The following NFIB variants were observed in gnomAD, a reference collection of about 807,000 sequenced individuals.
The protein encoded by NFIB is nuclear factor I B.
A neutral mutation model predicts 61.5 loss-of-function variants in NFIB; 11 were observed. The observed-to-expected ratio is 0.18, with a 90% CI of 0.11 to 0.30. The LOEUF is 0.30. NFIB is among the 10% of genes least tolerant of loss of function. The pLI, the probability that NFIB is intolerant of heterozygous loss-of-function variation, is 1.00. For synonymous variants in NFIB, 260 were observed against 216.5 expected (o/e 1.20, Z -1.76); for missense variants, 471 against 608.9 (o/e 0.77, Z 2.38).
At position 14,116,355 on chromosome 9, in the gene NFIB, CA is replaced by C; in HGVS notation, c.1246-10del. ...TGACCACTGCCGTTAGGCTACAAAA[CA>C]AAAACAGAATGCCGGGTGAAGCAAT... is the stretch of plus-strand genomic sequence containing the variant. On this transcript the variant is annotated splice_polypyrimidine_tract_variant and intron_variant, in intron 8 of 10. Transcript: ENST00000380953. 1 of 1,493,410 alleles carries C rather than the reference CA, an allele frequency of 6.7e-7. No homozygotes were observed. Among genetic ancestry groups the C allele is most frequent in the Non-Finnish European group, 8.9e-7 (1 of 1,117,926 alleles). The allele number at this position is 1,493,410 out of a possible 1,614,324, so 92.5% of individuals were successfully genotyped here. A position where few individuals can be genotyped will look rare whatever the true frequency, so the allele number is the denominator to read the frequency against.
At chr9:14,145,186 G>A (rs1325324650) in intron 6 of NFIB, among the ~76,000 whole-genome samples, 9 of 152,084 alleles carry the variant, frequency 5.9e-5, no homozygotes, top group Non-Finnish European at 1.2e-4. Flanking sequence ...TGCATAAAAT[G>A]ACCCTTGCCA....
chr9:14,465,403 A>C, the NFIB span, among the ~76,000 whole-genome samples: 1 of 152,234 alleles, frequency 6.6e-6, no homozygotes, highest in Non-Finnish European at 1.5e-5. Context: ...ACATATTTCA[A>C]AAAATAAACA....
intron 1 of NFIB, among the ~76,000 whole-genome samples, chr9:14,383,535 A>T (rs1165662033): frequency 6.6e-6 from 1 of 152,214 alleles, no homozygotes; most frequent in Non-Finnish European, 1.5e-5. Context: ...AACATGGTCC[A>T]GTGGTTGATT....
chr9:14,308,302 C>T (rs1454274760), intron 1 of NFIB, among the ~76,000 whole-genome samples: 1 of 151,024 alleles, frequency 6.6e-6, no homozygotes, highest in Non-Finnish European at 1.5e-5. Flanking sequence ...CATTCTCTCC[C>T]CACACTACCA....
At chr9:14,195,345 A>G (rs2048361592) in intron 2 of NFIB, among the ~76,000 whole-genome samples, 1 of 152,156 alleles carries the variant, frequency 6.6e-6, no homozygotes, top group Non-Finnish European at 1.5e-5. Context: ...AATGCTTGTC[A>G]TTTTCCATCT....
chr9:14,314,041 C>G lies in NFIB; in HGVS notation c.-530G>C. 1 of 1,068,236 alleles carries G rather than the reference C, an allele frequency of 9.4e-7. No homozygotes were observed. The highest frequency in any genetic ancestry group is 1.1e-6 in the Non-Finnish European group (1 of 881,942). 66.2% of individuals were successfully genotyped at this position (1,068,236 alleles called of 1,614,324 possible). ...ACCGCGCTGGGAAAGTTCAAGGTTA[C>G]AGCCCCAAGCACTGCGGCAGGATCC... On this transcript the variant is annotated 5_prime_UTR_variant, in exon 1 of 11. Coordinates refer to ENST00000380953, the MANE Select transcript of NFIB (RefSeq NM_001190737.2).
chr9:14,398,650 A>C (rs1487424283), exon 1 of NFIB: 1 of 1,499,106 alleles, frequency 6.7e-7, no homozygotes, highest in Admixed American at 2.1e-5. Context: ...CGGATTCCCG[A>C]CAAGAAGCCT....
chr9:14,463,166 A>T, the NFIB span, among the ~76,000 whole-genome samples: 3 of 151,318 alleles, frequency 2.0e-5, no homozygotes, highest in Non-Finnish European at 2.9e-5. Flanking sequence ...TTTATTAATT[A>T]ATTATTTTAT....
chr9:14,434,294 C>A, the NFIB span, among the ~76,000 whole-genome samples: 1 of 152,094 alleles, frequency 6.6e-6, no homozygotes, highest in South Asian at 2.1e-4. Context: ...CTAAGAGATA[C>A]CAGTCTGTTG....
intron 2 of NFIB, among the ~76,000 whole-genome samples, chr9:14,249,490 G>A (rs1000455332): frequency 1.3e-5 from 2 of 151,802 alleles, no homozygotes; most frequent in Non-Finnish European, 2.9e-5. Flanking sequence ...TTTTAAGATT[G>A]CGTCTCACTG....
At chr9:14,321,104 C>T (rs2060649171) in intron 1 of NFIB, among the ~76,000 whole-genome samples, 1 of 152,160 alleles carries the variant, frequency 6.6e-6, no homozygotes, top group African/African-American at 2.4e-5. Flanking sequence ...CCGCCCCCTT[C>T]AATCTGAAAG....
chr9:14,351,001 A>G (rs2061103740), intron 1 of NFIB, among the ~76,000 whole-genome samples: 2 of 152,224 alleles, frequency 1.3e-5, no homozygotes, highest in African/African-American at 2.4e-5. Context: ...GCTTTGGCAA[A>G]GGAGACTCGG....
At chr9:14,138,080 G>A (rs972522167) in intron 6 of NFIB, among the ~76,000 whole-genome samples, 1 of 152,028 alleles carries the variant, frequency 6.6e-6, no homozygotes, top group Non-Finnish European at 1.5e-5. Flanking sequence ...GAGAGCCAGG[G>A]GTTCCCATTC....
chr9:14,181,530 C>T (rs12339144), intron 2 of NFIB, among the ~76,000 whole-genome samples: 6,338 of 152,140 alleles, frequency 0.042, 428 homozygotes, highest in African/African-American at 0.14. Context: ...TTCTACATTC[C>T]TTTAAAAAAC....
intron 1 of NFIB, among the ~76,000 whole-genome samples, chr9:14,324,641 T>A (rs2060731017): frequency 6.6e-6 from 1 of 152,180 alleles, no homozygotes; most frequent in Non-Finnish European, 1.5e-5. Context: ...ATTCTCATGA[T>A]GACTTGGAGG....
the NFIB span, among the ~76,000 whole-genome samples, chr9:14,461,088 G>A: frequency 2.0e-5 from 3 of 152,176 alleles, no homozygotes; most frequent in South Asian, 2.1e-4. Context: ...GGCTGGATAA[G>A]CTCAATCTTC....
At chr9:14,285,563 T>A (rs1307644544) in intron 2 of NFIB, among the ~76,000 whole-genome samples, 1 of 152,226 alleles carries the variant, frequency 6.6e-6, no homozygotes, top group Non-Finnish European at 1.5e-5. Flanking sequence ...GAATTACAGT[T>A]AAGAAAGAAG....
upstream of NFIB, among the ~76,000 whole-genome samples, chr9:14,315,598 T>G (rs1055815341): frequency 6.9e-5 from 10 of 144,492 alleles, no homozygotes; most frequent in Non-Finnish European, 1.4e-4. Flanking sequence ...CTGCGGGCCC[T>G]GAGCCGCTCG....
At chr9:14,200,214 G>A (rs761421060) in intron 2 of NFIB, among the ~76,000 whole-genome samples, 4 of 152,138 alleles carry the variant, frequency 2.6e-5, no homozygotes, top group Non-Finnish European at 4.4e-5. Flanking sequence ...TTAAAATATA[G>A]TAGTCAATGG....
Sources: gnomAD v4.1 joint callset for allele counts (sites outside exome capture counted in the v4.1 genomes callset) on GRCh38, gnomAD v4.1.1 for gene constraint, MANE v1.5 for transcripts, NCBI Gene and HGNC (gene_info 2026-07-23, HGNC 2026-07-21) for gene names.